SGPP2: variants seen among roughly 807,000 people sequenced by gnomAD.
SGPP2 encodes sphingosine-1-phosphate phosphatase 2, also known as sphingosine 1-phosphate phosphohydrolase 2.
SGPP2 carries 30 observed loss-of-function variants against 33.9 expected under a neutral mutation model. The observed-to-expected ratio is 0.89, with a 90% confidence interval of 0.66 to 1.20. The LOEUF (loss-of-function observed/expected upper bound fraction) is 1.20. SGPP2 is among the 50% of genes most tolerant of loss of function. The pLI, the probability that SGPP2 is intolerant of heterozygous loss-of-function variation, is 0.00. For synonymous variants in SGPP2, 233 were observed against 225.0 expected, an observed-to-expected ratio of 1.04 and a Z score of -0.32; for missense variants, 458 against 532.1, an observed-to-expected ratio of 0.86 and a Z score of 1.37.
At chr2:222,452,970 T>G in intron 1 of SGPP2, 2 of 1,585,622 alleles carry the variant, frequency 1.3e-6, no homozygotes, top group Non-Finnish European at 1.7e-6. Context: ...CTGAAATCTA[T>G]CATTGAGTAC....
chr2:222,556,436 C>T (rs980723880), intron 4 of SGPP2, among the ~76,000 whole-genome samples: 1 of 148,278 alleles, frequency 6.7e-6, no homozygotes, highest in Non-Finnish European at 1.5e-5. Flanking sequence ...CAGTCTCCCC[C>T]CAACCCCGGC....
Position 222,511,757 on chromosome 2 carries a change from G to A in SGPP2, c.379-10010G>A, listed in dbSNP as rs755121533. Among the ~76,000 whole-genome samples the A allele has an allele frequency of 9.2e-5, 14 of 152,188 alleles. No individual in the cohort carries two copies. The South Asian group carries it at 1.0e-3, about 11-fold the overall frequency. ...GCTTGAGTGCATCATGGCTCACTGC[G>A]GTCTTGACCTCCGAGGCTCAGGTGA... On this transcript the variant is annotated intron_variant, in intron 2 of 4. Coordinates refer to ENST00000321276, the MANE Select transcript of SGPP2 (RefSeq NM_152386.4).
rs138409080 is a variant in SGPP2, at chr2:222,558,014, T to C, written c.649-333T>C. Among the ~76,000 whole-genome samples the C allele has an allele frequency of 2.7e-3, 409 of 152,302 alleles. 2 individuals carry two copies. Among genetic ancestry groups the C allele is most frequent in the Non-Finnish European group, 4.7e-3 (318 of 68,022 alleles). On this transcript the variant is annotated intron_variant, in intron 4 of 4. Transcript: ENST00000321276. The stretch of plus-strand genomic sequence containing the variant: ...CCTCGGTGAAGACGGTGACAGTATT[T>C]GTGATATAAGTGTCGAAATACTAGA...
intron 2 of SGPP2, among the ~76,000 whole-genome samples, chr2:222,509,725 T>C (rs990968283): frequency 6.6e-6 from 1 of 152,230 alleles, no homozygotes; most frequent in Non-Finnish European, 1.5e-5. Flanking sequence ...CCAGGACTTA[T>C]CTTGATGTCT....
At chr2:222,537,237 A>G (rs375481581) in intron 4 of SGPP2, among the ~76,000 whole-genome samples, 115 of 152,224 alleles carry the variant, frequency 7.6e-4, no homozygotes, top group African/African-American at 2.5e-3. Flanking sequence ...CATGATATCA[A>G]ATGAATAATC....
In SGPP2 at chr2:222,550,419, G is replaced by T. The variant is rs1234736947; in HGVS notation, c.649-7928G>T. On this transcript the variant is annotated intron_variant, in intron 4 of 4. Transcript: ENST00000321276. The surrounding 1 kb of genome is among the most constrained non-coding windows in gnomAD (Gnocchi z 4.5). The stretch of plus-strand genomic sequence containing the variant: ...AAAATTTGGAAGATCCTGGAGTATA[G>T]AGAAGATAATAGTCATCTGTAATGT... Among the ~76,000 whole-genome samples, 1 of 152,044 alleles carries T rather than the reference G, an allele frequency of 6.6e-6. No homozygotes were observed. Among genetic ancestry groups the T allele is most frequent in the Non-Finnish European group, 1.5e-5 (1 of 68,014 alleles).
chr2:222,493,034 G>A (rs1698221902), intron 2 of SGPP2, among the ~76,000 whole-genome samples: 1 of 152,144 alleles, frequency 6.6e-6, no homozygotes, highest in Non-Finnish European at 1.5e-5. Context: ...TCATCTGCCT[G>A]TTGTCTTCTG....
chr2:222,437,455 T>C (rs1477359707), intron 1 of SGPP2, among the ~76,000 whole-genome samples: 1 of 152,190 alleles, frequency 6.6e-6, no homozygotes, highest in African/African-American at 2.4e-5. Context: ...GAACCATCTG[T>C]GAACCAGGCC....
At chr2:222,425,059 A>G (rs1697041851) in intron 1 of SGPP2, among the ~76,000 whole-genome samples, 1 of 152,250 alleles carries the variant, frequency 6.6e-6, no homozygotes, top group Admixed American at 6.5e-5. Context: ...CTTTCAATGC[A>G]GTCCATTTAG....
At position 222,558,415 on chromosome 2, in the gene SGPP2, C is replaced by T; in HGVS notation, c.717C>T (p.Ile239=). 6 of 1,614,166 alleles carry T rather than the reference C, an allele frequency of 3.7e-6. No individual in the cohort carries two copies. The highest frequency in any genetic ancestry group is 3.4e-6 in the Non-Finnish European group (4 of 1,180,028). ...IVLTYPAWTF[I]DCLDSASPLF... ...TCACCTACCCTGCCTGGACCTTCAT[C>T]GACTGCCTGGACTCGGCCAGCCCCC... Residue 239 remains isoleucine, a synonymous_variant, in exon 5 of 5, where the codon ATC becomes ATT. Transcript: ENST00000321276.
rs62648945 is a variant in SGPP2, at chr2:222,477,137, A to G, written c.378+2411A>G. ...TATATATGTGTATGTGTGTGTATAT[A>G]GGTGTGTATATATCTGTGTGTGTGT... On this transcript the variant is annotated intron_variant, in intron 2 of 4. Coordinates refer to ENST00000321276, the MANE Select transcript of SGPP2 (RefSeq NM_152386.4). The surrounding 1 kb of genome is among the most constrained non-coding windows in gnomAD (Gnocchi z 6.0). Among the ~76,000 whole-genome samples, 20,982 of 151,098 alleles carry G rather than the reference A, an allele frequency of 0.14. 1,569 individuals are homozygous for G. Among genetic ancestry groups the G allele is most frequent in the East Asian group, 0.19 (987 of 5,136 alleles).
At position 222,558,706 on chromosome 2, in the gene SGPP2, C is replaced by G. The variant is rs1355229259; in HGVS notation, c.1008C>G (p.Leu336=). Residue 336 remains leucine, a synonymous_variant, in exon 5 of 5, where the codon CTC becomes CTG. Coordinates refer to ENST00000321276, the MANE Select transcript of SGPP2 (RefSeq NM_152386.4). The part of the protein sequence containing the change: ...TKFAVGIVLI[L]LVRQLVQNLS... ...TTGCAGTGGGAATTGTGTTGATCCT[C>G]TTGGTTCGTCAGCTTGTACAAAATC... is the stretch of plus-strand genomic sequence containing the variant. The G allele has an allele frequency of 1.9e-6, 3 of 1,614,022 alleles. No homozygotes were observed. The highest frequency in any genetic ancestry group is 3.3e-5 in the Admixed American group (2 of 60,000).
intron 4 of SGPP2, among the ~76,000 whole-genome samples, chr2:222,528,106 A>G (rs909048974): frequency 2.6e-5 from 4 of 152,178 alleles, no homozygotes; most frequent in African/African-American, 9.7e-5. Context: ...AATGTCTTTT[A>G]TAATGGTTCT....
At chr2:222,545,712 TG>T (rs1425088496) in intron 4 of SGPP2, among the ~76,000 whole-genome samples, 1 of 152,210 alleles carries the variant, frequency 6.6e-6, no homozygotes, top group Non-Finnish European at 1.5e-5. Flanking sequence ...AAGGGAACCA[TG>T]TTCTCAAAAG....
At chr2:222,524,762 C>T (rs1247680432) in intron 3 of SGPP2, among the ~76,000 whole-genome samples, 182 bp from the exon 4 acceptor site, 1 of 152,170 alleles carries the variant, frequency 6.6e-6, no homozygotes, top group African/African-American at 2.4e-5. Context: ...GTATCTTCCC[C>T]TTCTCTTTCT....
Position 222,434,402 on chromosome 2 carries a change from A to G in SGPP2, c.219+9581A>G, listed in dbSNP as rs577005890. ...TCCCCTCAATCTTGCTTCAAGCACAACAAAAAGTCCCTGAGGCTTGGGCCA... is the reference window on the plus strand; with the variant it reads ...TCCCCTCAATCTTGCTTCAAGCACAGCAAAAAGTCCCTGAGGCTTGGGCCA... On this transcript the variant is annotated intron_variant, in intron 1 of 4. Transcript: ENST00000321276. Among the ~76,000 whole-genome samples, 7 of 152,334 alleles carry G rather than the reference A, an allele frequency of 4.6e-5. No homozygotes were observed. In the East Asian group the frequency reaches 1.2e-3, roughly 25 times the overall value.
At chr2:222,492,897 G>A (rs554732346) in intron 2 of SGPP2, among the ~76,000 whole-genome samples, 1 of 152,268 alleles carries the variant, frequency 6.6e-6, no homozygotes, top group South Asian at 2.1e-4. Context: ...AGTGACCTTT[G>A]CTCCAGTTAC....
At chr2:222,552,287 C>G (rs776765183) in intron 4 of SGPP2, among the ~76,000 whole-genome samples, 64 of 152,228 alleles carry the variant, frequency 4.2e-4, no homozygotes, top group Non-Finnish European at 7.9e-4. Flanking sequence ...AATCTCCACA[C>G]TGTTTTCCAT....
At chr2:222,492,668 A>C (rs111799698) in intron 2 of SGPP2, among the ~76,000 whole-genome samples, 1 of 152,202 alleles carries the variant, frequency 6.6e-6, no homozygotes, top group African/African-American at 2.4e-5. Flanking sequence ...GCTCCTTGTT[A>C]CTTATGCAAA....
Sources: allele counts gnomAD v4.1 joint callset (sites outside exome capture counted in the v4.1 genomes callset), GRCh38; gene constraint gnomAD v4.1.1; non-coding constraint Gnocchi (gnomAD v3.1); transcripts MANE v1.5; gene names NCBI Gene and HGNC (gene_info 2026-07-23, HGNC 2026-07-21).